Variants in CNTN4 observed in about 807,000 individuals in gnomAD.
CNTN4 encodes contactin 4, also known as contactin-4.
In CNTN4, 77 loss-of-function variants were observed where a neutral mutation model predicts 122.5. That is an observed-to-expected ratio of 0.63 (90% confidence interval 0.52 to 0.76). CNTN4 has a LOEUF of 0.76. CNTN4 is among the 30% of genes least tolerant of loss of function. The probability of loss-of-function intolerance (pLI) is 0.00; values close to 1 mark genes in which losing one functional copy is unlikely to be tolerated. For synonymous variants in CNTN4, 512 were observed against 447.0 expected, an observed-to-expected ratio of 1.15 and a Z score of -1.83; for missense variants, 1,256 against 1,259.1, an observed-to-expected ratio of 1.00 and a Z score of 0.04.
At chr3:3,037,847 A>G (rs1699755407) in intron 18 of CNTN4, among the ~76,000 whole-genome samples, 4 of 152,246 alleles carry the variant, frequency 2.6e-5, no homozygotes, top group Admixed American at 6.5e-5. Context: ...GCTCATTCGA[A>G]CAAGACCAGT....
At position 2,870,975 on chromosome 3, in the gene CNTN4, G is replaced by A. The variant is rs149952932; in HGVS notation, c.652+4026G>A. Reference sequence around the variant, plus strand: ...TTCACTGACCATTTACCACTCACCCGAGTCCTGCAAAACCCTGGGGCTCCC... The same window carrying A: ...TTCACTGACCATTTACCACTCACCCAAGTCCTGCAAAACCCTGGGGCTCCC... On this transcript the variant is annotated intron_variant, in intron 8 of 24. Transcript: ENST00000418658. 3.9e-3 allele frequency among the ~76,000 whole-genome samples: 586 copies of A among 152,206 alleles called. 6 individuals carry two copies. Among genetic ancestry groups the A allele is most frequent in the African/African-American group, 0.013 (534 of 41,532 alleles).
intron 2 of CNTN4, among the ~76,000 whole-genome samples, chr3:2,211,912 C>T (rs2038639158): frequency 6.6e-6 from 1 of 152,152 alleles, no homozygotes; most frequent in Admixed American, 6.5e-5. Context: ...TTTCTGTTGT[C>T]ATTTTTGCAT....
intron 4 of CNTN4, among the ~76,000 whole-genome samples, chr3:2,731,847 A>G (rs1028077670): frequency 2.0e-5 from 3 of 152,226 alleles, no homozygotes; most frequent in East Asian, 1.9e-4. Flanking sequence ...AACTATAACT[A>G]TAGGTCAGTG....
chr3:2,392,668 C>G (rs191160427), intron 3 of CNTN4, among the ~76,000 whole-genome samples: 95 of 152,268 alleles, frequency 6.2e-4, no homozygotes, highest in African/African-American at 2.3e-3. Flanking sequence ...TTTTAGCTAT[C>G]TTGAAATATA....
At chr3:2,440,291 G>A (rs1413400722) in intron 3 of CNTN4, among the ~76,000 whole-genome samples, 1 of 152,074 alleles carries the variant, frequency 6.6e-6, no homozygotes, top group Non-Finnish European at 1.5e-5. Context: ...GTTTCATACC[G>A]GCAAAGGTAC....
intron 24 of CNTN4, 29 bp downstream of exon 24, chr3:3,054,004 T>C (rs772269375): frequency 1.2e-6 from 2 of 1,611,096 alleles, no homozygotes; most frequent in East Asian, 2.2e-5. Flanking sequence ...CTCCCTTTTC[T>C]CCTGCCTGTC....
intron 2 of CNTN4, among the ~76,000 whole-genome samples, chr3:2,302,285 C>T (rs1263677820): frequency 1.3e-5 from 2 of 152,004 alleles, no homozygotes; most frequent in Admixed American, 1.3e-4. Context: ...AAAACTTAGC[C>T]GGCATGGTGG....
At chr3:2,426,530 C>CT (rs200864644) in intron 3 of CNTN4, among the ~76,000 whole-genome samples, 9,860 of 151,834 alleles carry the variant, frequency 0.065, 442 homozygotes, top group Non-Finnish European at 0.1. Context: ...CTGAAATTCT[C>CT]TTTTTTTTGT....
At chr3:3,009,694 T>A (rs567510979) in intron 14 of CNTN4, among the ~76,000 whole-genome samples, 199 of 152,150 alleles carry the variant, frequency 1.3e-3, no homozygotes, top group Middle Eastern at 0.01. Flanking sequence ...CGGCCTCCCA[T>A]AGTGCTGGGA....
chr3:2,158,554 A>G (rs2149162249), intron 2 of CNTN4, among the ~76,000 whole-genome samples: 1 of 152,338 alleles, frequency 6.6e-6, no homozygotes, highest in East Asian at 1.9e-4. Context: ...CCACATCTGA[A>G]AAGAACGTAG....
At chr3:2,971,901 G>A (rs529681375) in intron 13 of CNTN4, among the ~76,000 whole-genome samples, 8 of 152,204 alleles carry the variant, frequency 5.3e-5, no homozygotes, top group Admixed American at 2.0e-4. Flanking sequence ...CCACATTTTC[G>A]GAAGTGCACT....
At chr3:2,286,844 G>T (rs1575269031) in intron 2 of CNTN4, among the ~76,000 whole-genome samples, 2 of 152,108 alleles carry the variant, frequency 1.3e-5, no homozygotes. Context: ...AGAAACCAGG[G>T]ATAAAAAAAG....
intron 5 of CNTN4, among the ~76,000 whole-genome samples, chr3:2,743,743 A>T (rs2089597427): frequency 2.0e-5 from 3 of 152,240 alleles, no homozygotes; most frequent in Non-Finnish European, 2.9e-5. Context: ...CAGTAAAAGC[A>T]GCATTCCTAC....
chr3:2,326,143 G>C (rs1156733002), intron 2 of CNTN4, among the ~76,000 whole-genome samples: 3 of 152,168 alleles, frequency 2.0e-5, no homozygotes, highest in Non-Finnish European at 4.4e-5. Context: ...TTTCCCAAAT[G>C]TGGGTGGGCC....
chr3:2,828,093 T>TTCTC (rs759894601), intron 7 of CNTN4, among the ~76,000 whole-genome samples: 6 of 150,886 alleles, frequency 4.0e-5, no homozygotes, highest in African/African-American at 7.3e-5. Flanking sequence ...AGTCATCTCA[T>TTCTC]TCTCTCTCTC....
intron 3 of CNTN4, among the ~76,000 whole-genome samples, chr3:2,377,609 A>C (rs1340985013): frequency 2.0e-5 from 3 of 152,334 alleles, no homozygotes; most frequent in African/African-American, 7.2e-5. Flanking sequence ...GCTCCTCTGA[A>C]GCTGAGACAG....
intron 3 of CNTN4, among the ~76,000 whole-genome samples, chr3:2,472,687 C>A (rs34154967): frequency 0.16 from 23,756 of 152,172 alleles, 2,022 homozygotes; most frequent in Middle Eastern, 0.22. Context: ...AATAAATAAA[C>A]TAGAAATGAA....
chr3:2,328,209 T>G (rs1289644301), intron 2 of CNTN4, among the ~76,000 whole-genome samples: 5 of 151,918 alleles, frequency 3.3e-5, no homozygotes, highest in African/African-American at 1.2e-4. Context: ...ATCGAGACCA[T>G]CCTGGCTAAC....
chr3:2,382,346 T>C (rs1295921515), intron 3 of CNTN4, among the ~76,000 whole-genome samples: 1 of 151,894 alleles, frequency 6.6e-6, no homozygotes, highest in Admixed American at 6.6e-5. Context: ...TAGTAGAGAC[T>C]GGGTTTCACC....
Sources: allele counts gnomAD v4.1 joint callset (sites outside exome capture counted in the v4.1 genomes callset), GRCh38; gene constraint gnomAD v4.1.1; transcripts MANE v1.5; gene names NCBI Gene and HGNC (gene_info 2026-07-23, HGNC 2026-07-21).